The following PARP8 variants were observed in gnomAD, a reference collection of about 807,000 sequenced individuals.
PARP8 encodes poly(ADP-ribose) polymerase family member 8.
In PARP8, 51 loss-of-function variants were observed where a neutral mutation model predicts 124.1. That is an observed-to-expected ratio of 0.41 (90% CI 0.33 to 0.52). The LOEUF (loss-of-function observed/expected upper bound fraction) is 0.52, where lower values mean the gene tolerates loss of function less well. PARP8 is among the 20% of genes least tolerant of loss of function. The probability of loss-of-function intolerance (pLI) is 0.21; values close to 1 mark genes in which losing one functional copy is unlikely to be tolerated. For missense variants in PARP8, 860 were observed against 1,018.9 expected (o/e 0.84, Z 2.12); for synonymous variants, 391 against 361.5 (o/e 1.08, Z -0.93).
chr5:50,741,945 A>AT (rs1372052951), intron 2 of PARP8: 1 of 407,074 alleles, frequency 2.5e-6, no homozygotes. Context: ...ACTAGCTGGC[A>AT]TTACAGGTGC....
intron 2 of PARP8, among the ~76,000 whole-genome samples, chr5:50,740,966 C>T (rs1314263589): frequency 3.3e-5 from 5 of 152,128 alleles, no homozygotes; most frequent in African/African-American, 1.2e-4. Context: ...TGTTCCCTTT[C>T]CATGACAAAG....
intron 25 of PARP8, among the ~76,000 whole-genome samples, chr5:50,840,172 G>A (rs1461403852): frequency 6.6e-6 from 1 of 151,860 alleles, no homozygotes; most frequent in East Asian, 1.9e-4. Flanking sequence ...TCTATCTGTG[G>A]TGAAGTCAAT....
At chr5:50,839,455 C>T (rs1290238824) in intron 25 of PARP8, among the ~76,000 whole-genome samples, 1 of 151,888 alleles carries the variant, frequency 6.6e-6, no homozygotes, top group East Asian at 1.9e-4. Context: ...CCACTAGCAA[C>T]TTATGTATCT....
intron 7 of PARP8, among the ~76,000 whole-genome samples, chr5:50,775,861 T>C (rs576466387): frequency 6.6e-6 from 1 of 152,340 alleles, no homozygotes; most frequent in South Asian, 2.1e-4. Flanking sequence ...TTTGACGTCC[T>C]CTTTTTTAAT....
intron 2 of PARP8, among the ~76,000 whole-genome samples, chr5:50,679,902 G>A (rs760673476): frequency 1.3e-5 from 2 of 152,132 alleles, no homozygotes; most frequent in African/African-American, 2.4e-5. Context: ...AGGCAAAGAA[G>A]ATACAAATAC....
chr5:50,795,431 T>G lies in PARP8; in HGVS notation c.1428+14T>G, dbSNP rs1453566881. ...TCTCAGCTTGCTGTGCGTAAATATT[T>G]TCATCTTGAGTTCTTAAATGTTAGC... On this transcript the variant is annotated intron_variant, in intron 12 of 25. Transcript: ENST00000281631. 6.4e-7 allele frequency: 1 copy of G among 1,556,670 alleles called. No individual in the cohort carries two copies. Among genetic ancestry groups the G allele is most frequent in the Non-Finnish European group, 8.7e-7 (1 of 1,155,436 alleles).
intron 2 of PARP8, among the ~76,000 whole-genome samples, chr5:50,697,594 T>G (rs931927522): frequency 1.3e-5 from 2 of 152,192 alleles, no homozygotes; most frequent in African/African-American, 4.8e-5. Context: ...ACTGCAGACT[T>G]GAACTCCTGG....
At chr5:50,797,105 G>C in intron 13 of PARP8, 33 bp from the exon 14 acceptor site, 1 of 1,608,908 alleles carries the variant, frequency 6.2e-7, no homozygotes, top group Non-Finnish European at 8.5e-7. Context: ...TTATGAGCTT[G>C]TCTTAATTAT....
chr5:50,770,993 A>T (rs1431160096), intron 7 of PARP8, among the ~76,000 whole-genome samples: 1 of 151,996 alleles, frequency 6.6e-6, no homozygotes, highest in Non-Finnish European at 1.5e-5. Flanking sequence ...GATGGTTTTT[A>T]AAAATTAATT....
intron 2 of PARP8, among the ~76,000 whole-genome samples, chr5:50,704,471 C>G (rs1262713175): frequency 6.6e-6 from 1 of 152,154 alleles, no homozygotes; most frequent in Non-Finnish European, 1.5e-5. Flanking sequence ...CACCTCTAAA[C>G]ACTTGCAGTG....
chr5:50,681,601 A>G (rs1751298970), intron 2 of PARP8, among the ~76,000 whole-genome samples: 1 of 152,176 alleles, frequency 6.6e-6, no homozygotes, highest in Admixed American at 6.5e-5. Flanking sequence ...AGTTTCAACT[A>G]GTTGTGGAGC....
rs181140590 is a variant in PARP8, at chr5:50,821,668, A to C, written c.1794+330A>C. 1.7e-3 allele frequency among the ~76,000 whole-genome samples: 257 copies of C among 152,336 alleles called. 6 individuals are homozygous for C. Among genetic ancestry groups the C allele is most frequent in the Admixed American group, 0.017 (256 of 15,306 alleles). ...ACTGTTAATGGACTGGCCTTTCTTA[A>C]GGAAGCAGTTTTATAAATGTTCCTG... On this transcript the variant is annotated intron_variant, in intron 16 of 25. Transcript: ENST00000281631.
chr5:50,690,131 G>C (rs549379383), intron 2 of PARP8, among the ~76,000 whole-genome samples: 1 of 152,172 alleles, frequency 6.6e-6, no homozygotes, highest in Non-Finnish European at 1.5e-5. Context: ...GGTGAAGATT[G>C]AGCTGTGCCT....
intron 2 of PARP8, among the ~76,000 whole-genome samples, chr5:50,747,141 GTTTTTTTTGTTTGTTTGTTTTGT>G (rs1469692313): frequency 6.2e-5 from 5 of 80,882 alleles, no homozygotes; most frequent in African/African-American, 2.3e-4. Flanking sequence ...TTCAGTTATG[GTTTTTTTTGTTTGTTTGTTTTGT>G]TTTTTTTTTT....
chr5:50,692,234 G>A (rs1443126132), intron 2 of PARP8, among the ~76,000 whole-genome samples: 1 of 152,008 alleles, frequency 6.6e-6, no homozygotes, highest in African/African-American at 2.4e-5. Context: ...AAGTGTCTTC[G>A]TGATCTGGCA....
At chr5:50,696,133 C>G (rs796090838) in intron 2 of PARP8, among the ~76,000 whole-genome samples, 2 of 152,166 alleles carry the variant, frequency 1.3e-5, no homozygotes, top group African/African-American at 4.8e-5. Context: ...TATAATGTAG[C>G]CTAGGATTAA....
chr5:50,667,764 C>A, intron 1 of PARP8: 1 of 746,890 alleles, frequency 1.3e-6, no homozygotes, highest in Non-Finnish European at 2.3e-6. Context: ...GTCCATTTTG[C>A]TCCCCCGGGA....
chr5:50,795,482 C>A (rs1218955743), intron 12 of PARP8, 65 bp downstream of exon 12: 3 of 1,284,212 alleles, frequency 2.3e-6, no homozygotes, highest in Non-Finnish European at 3.2e-6. Flanking sequence ...TTTTTTTTTT[C>A]TTATAAGATC....
intron 2 of PARP8, among the ~76,000 whole-genome samples, chr5:50,697,675 C>T (rs1753175865): frequency 6.6e-6 from 1 of 152,104 alleles, no homozygotes; most frequent in Admixed American, 6.5e-5. Flanking sequence ...ATGCCTGGCT[C>T]ATTTTTAAAT....
Sources: allele counts gnomAD v4.1 joint callset (sites outside exome capture counted in the v4.1 genomes callset), GRCh38; gene constraint gnomAD v4.1.1; transcripts MANE v1.5; gene names NCBI Gene and HGNC (gene_info 2026-07-23, HGNC 2026-07-21).